Variants in PCDH15 observed in about 807,000 individuals in gnomAD.
The protein encoded by PCDH15 is protocadherin-15.
In PCDH15, 129 loss-of-function variants were observed where a neutral mutation model predicts 178.5. The observed-to-expected ratio is 0.72, with a 90% CI of 0.63 to 0.84. PCDH15 has a LOEUF of 0.84. Among genes scored for constraint, PCDH15 ranks in the 40% least tolerant of loss-of-function variants. The pLI, the probability that PCDH15 is intolerant of heterozygous loss-of-function variation, is 0.00. For missense variants in PCDH15, 2,230 were observed against 2,099.9 expected, an observed-to-expected ratio of 1.06 and a Z score of -1.21; for synonymous variants, 800 against 732.0, an observed-to-expected ratio of 1.09 and a Z score of -1.50.
At chr10:54,545,674 A>C (rs768285448) in intron 2 of PCDH15, among the ~76,000 whole-genome samples, 1 of 152,158 alleles carries the variant, frequency 6.6e-6, no homozygotes, top group Non-Finnish European at 1.5e-5. Context: ...GATCTATAGC[A>C]ATATAGAGAT....
intron 8 of PCDH15, among the ~76,000 whole-genome samples, chr10:54,305,504 T>C (rs1315662242): frequency 1.3e-5 from 2 of 152,062 alleles, no homozygotes; most frequent in Admixed American, 6.6e-5. Flanking sequence ...TCCATATAAG[T>C]AAATATTAAT....
chr10:55,068,686 T>C (rs1427873825), intron 2 of PCDH15, among the ~76,000 whole-genome samples: 1 of 152,050 alleles, frequency 6.6e-6, no homozygotes, highest in Non-Finnish European at 1.5e-5. Flanking sequence ...TGGGGCAGTA[T>C]GGTCATTTTA....
intron 1 of PCDH15, among the ~76,000 whole-genome samples, chr10:54,693,476 T>C (rs2095166123): frequency 1.3e-5 from 2 of 152,158 alleles, no homozygotes; most frequent in African/African-American, 4.8e-5. Context: ...GGTTTCTTAA[T>C]ATTTGCAGTA....
At chr10:54,860,086 C>T (rs1396674886) in intron 3 of PCDH15, among the ~76,000 whole-genome samples, 1 of 152,002 alleles carries the variant, frequency 6.6e-6, no homozygotes, top group African/African-American at 2.4e-5. Flanking sequence ...TGTTTGTATG[C>T]ATGTGTGTGG....
chr10:55,277,807 A>C (rs538844627), intron 1 of PCDH15, among the ~76,000 whole-genome samples: 1 of 152,234 alleles, frequency 6.6e-6, no homozygotes, highest in East Asian at 1.9e-4. Context: ...CTCAAACTCT[A>C]TAAGTGTTTG....
At chr10:54,466,850 T>C (rs1164928954) in intron 3 of PCDH15, among the ~76,000 whole-genome samples, 1 of 151,980 alleles carries the variant, frequency 6.6e-6, no homozygotes, top group Non-Finnish European at 1.5e-5. Context: ...CAGAGTTTTG[T>C]AATTTTCCTT....
intron 2 of PCDH15, among the ~76,000 whole-genome samples, chr10:55,042,597 A>G (rs1840892181): frequency 6.6e-6 from 1 of 152,164 alleles, no homozygotes; most frequent in African/African-American, 2.4e-5. Context: ...CTGTCATAAA[A>G]TAATTCAAAA....
At chr10:53,993,204 T>C (rs1478221894) in intron 21 of PCDH15, among the ~76,000 whole-genome samples, 1 of 152,210 alleles carries the variant, frequency 6.6e-6, no homozygotes. Flanking sequence ...AAACTAAGTC[T>C]TGGAGATATT....
chr10:53,868,958 T>C (rs1388425621), intron 26 of PCDH15, among the ~76,000 whole-genome samples: 1 of 152,146 alleles, frequency 6.6e-6, no homozygotes, highest in Non-Finnish European at 1.5e-5. Flanking sequence ...GCTGGGACTA[T>C]AGGCACTCCA....
In PCDH15 at chr10:55,351,225, T is replaced by C. The variant is rs184102530; in HGVS notation, c.-155-184574A>G. Among the ~76,000 whole-genome samples, 197 of 151,826 alleles carry C rather than the reference T, an allele frequency of 1.3e-3. 1 individual carries two copies. Among genetic ancestry groups the C allele is most frequent in the African/African-American group, 4.6e-3 (192 of 41,420 alleles). Reference sequence around the variant, plus strand: ...CTACTTTCAAATTTAAAATATCTTATATCTTCTCATTCACTTCTCCTCCCT... The same window carrying C: ...CTACTTTCAAATTTAAAATATCTTACATCTTCTCATTCACTTCTCCTCCCT... On this transcript the variant is annotated intron_variant, in intron 2 of 5. Coordinates refer to the PCDH15 transcript ENST00000613346.
rs552138666 is a variant in PCDH15, at chr10:54,086,708, C to A, written c.1997+3276G>T. Among the ~76,000 whole-genome samples the A allele has an allele frequency of 4.6e-5, 7 of 152,182 alleles. No homozygotes were observed. In the South Asian group the frequency reaches 1.2e-3, roughly 27 times the overall value. ...AAGGCAAAGGGCCCAGTGTACAGGACCCTGAATCAAGAATGATCATCAAAA... is the reference window on the plus strand; with the variant it reads ...AAGGCAAAGGGCCCAGTGTACAGGAACCTGAATCAAGAATGATCATCAAAA... On this transcript the variant is annotated intron_variant, in intron 16 of 37. Transcript: ENST00000644397.
At chr10:55,132,682 T>C (rs1049820874) in intron 2 of PCDH15, among the ~76,000 whole-genome samples, 1 of 152,178 alleles carries the variant, frequency 6.6e-6, no homozygotes, top group Non-Finnish European at 1.5e-5. Flanking sequence ...TTTTATGTAG[T>C]TTAATACATT....
chr10:54,829,074 G>A (rs537676863), intron 3 of PCDH15, among the ~76,000 whole-genome samples: 4 of 152,012 alleles, frequency 2.6e-5, no homozygotes, highest in African/African-American at 9.6e-5. Context: ...GAGGAAATTA[G>A]GTTTCCAAGG....
chr10:54,062,253 C>CA (rs769054605), intron 18 of PCDH15, among the ~76,000 whole-genome samples: 3 of 75,844 alleles, frequency 4.0e-5, no homozygotes, highest in Non-Finnish European at 7.6e-5. Context: ...AAAAAAAAAA[C>CA]AAAAAACAAC....
intron 3 of PCDH15, among the ~76,000 whole-genome samples, chr10:54,859,470 AC>A (rs1327262111): frequency 2.6e-5 from 4 of 152,016 alleles, no homozygotes; most frequent in African/African-American, 7.2e-5. Flanking sequence ...TTCCTATAAA[AC>A]TTTTTAGTTA....
At chr10:54,395,449 C>CACAA (rs1409875112) in intron 3 of PCDH15, among the ~76,000 whole-genome samples, 1 of 151,040 alleles carries the variant, frequency 6.6e-6, no homozygotes, top group Admixed American at 6.6e-5. Context: ...CACACACACA[C>CACAA]CCACATTAAG....
chr10:54,253,120 G>A (rs2056627788), intron 8 of PCDH15, among the ~76,000 whole-genome samples: 2 of 152,046 alleles, frequency 1.3e-5, no homozygotes, highest in Non-Finnish European at 2.9e-5. Flanking sequence ...AAATTCGATT[G>A]AGGATTGGGT....
intron 3 of PCDH15, among the ~76,000 whole-genome samples, chr10:54,463,617 CAG>C (rs2077333197): frequency 6.6e-6 from 1 of 152,160 alleles, no homozygotes; most frequent in Admixed American, 6.5e-5. Context: ...TGAGTACTGT[CAG>C]AGAGGTATAA....
chr10:55,185,203 T>C (rs1033977798), intron 1 of PCDH15, among the ~76,000 whole-genome samples: 10 of 151,878 alleles, frequency 6.6e-5, no homozygotes, highest in Non-Finnish European at 1.3e-4. Context: ...TATATTTCTA[T>C]ACCCAGAGAT....
Sources: allele counts gnomAD v4.1 joint callset (sites outside exome capture counted in the v4.1 genomes callset), GRCh38; gene constraint gnomAD v4.1.1; transcripts MANE v1.5; gene names NCBI Gene and HGNC (gene_info 2026-07-23, HGNC 2026-07-21).